Variants in NIPAL2 observed in about 807,000 individuals in gnomAD.
The protein encoded by NIPAL2 is NIPA-like protein 2.
In NIPAL2, 43 loss-of-function variants were observed where a neutral mutation model predicts 48.9. The ratio of observed to expected loss-of-function variants is 0.88; its 90% CI spans 0.69 to 1.13. The LOEUF (loss-of-function observed/expected upper bound fraction) is 1.13, where lower values mean the gene tolerates loss of function less well. Among genes scored for constraint, NIPAL2 ranks in the 50% most tolerant of loss-of-function variants. The pLI is 0.00. For synonymous variants in NIPAL2, 167 were observed against 174.6 expected (o/e 0.96, Z 0.34); for missense variants, 446 against 461.4 (o/e 0.97, Z 0.31).
At chr8:98,225,825 C>T (rs1812147367) in intron 4 of NIPAL2, among the ~76,000 whole-genome samples, 1 of 152,156 alleles carries the variant, frequency 6.6e-6, no homozygotes, top group Non-Finnish European at 1.5e-5. Flanking sequence ...CCCTCTACCT[C>T]CTCTTTAAGG....
At chr8:98,281,005 A>G (rs1333363752) in intron 1 of NIPAL2, among the ~76,000 whole-genome samples, 1 of 151,990 alleles carries the variant, frequency 6.6e-6, no homozygotes, top group Non-Finnish European at 1.5e-5. Flanking sequence ...GATGATAACA[A>G]GAGAAGAAAT....
At chr8:98,198,448 A>G (rs1423743966) in intron 8 of NIPAL2, among the ~76,000 whole-genome samples, 1 of 152,218 alleles carries the variant, frequency 6.6e-6, no homozygotes, top group East Asian at 1.9e-4. Flanking sequence ...CTCACAAGAG[A>G]GTCAGCCTGT....
intron 4 of NIPAL2, among the ~76,000 whole-genome samples, chr8:98,234,734 T>G (rs1812623856): frequency 6.9e-6 from 1 of 145,680 alleles, no homozygotes; most frequent in African/African-American, 2.5e-5. Context: ...TTTTTTTCAG[T>G]AGAGACGGGG....
intron 1 of NIPAL2, among the ~76,000 whole-genome samples, chr8:98,259,275 C>A (rs1427866535): frequency 2.0e-5 from 3 of 151,194 alleles, no homozygotes; most frequent in Admixed American, 1.3e-4. Context: ...CGGGGTTTCA[C>A]CGTGTTAGCC....
rs557948570 is a variant in NIPAL2, at chr8:98,220,141, T to G, written c.558+2338A>C. 1.8e-4 allele frequency among the ~76,000 whole-genome samples: 27 copies of G among 152,198 alleles called. No homozygotes were observed. The South Asian group carries it at 1.9e-3, about 11-fold the overall frequency. On this transcript the variant is annotated intron_variant, in intron 5 of 10. Coordinates refer to ENST00000430223, the MANE Select transcript of NIPAL2 (RefSeq NM_001321635.2). ...AAATGAAAGTAAAAAGATCTGTAAGTATTTGTGTTCTAGTGGTCAGAATAC... is the reference window on the plus strand; with the variant it reads ...AAATGAAAGTAAAAAGATCTGTAAGGATTTGTGTTCTAGTGGTCAGAATAC...
In NIPAL2 at chr8:98,202,955, C is replaced by A. The variant is rs181345413; in HGVS notation, c.880+153G>T. Among the ~76,000 whole-genome samples the A allele has an allele frequency of 1.8e-4, 28 of 152,308 alleles. No individual in the cohort carries two copies. The East Asian group carries it at 5.2e-3, about 28-fold the overall frequency. ...AGAGCATTCACACAAAGTAGAGGAACCTCTCCTGGAAGATTGTCATAGGGG... is the reference window on the plus strand; with the variant it reads ...AGAGCATTCACACAAAGTAGAGGAAACTCTCCTGGAAGATTGTCATAGGGG... On this transcript the variant is annotated intron_variant, in intron 8 of 10. Coordinates refer to ENST00000430223, the MANE Select transcript of NIPAL2 (RefSeq NM_001321635.2).
intron 1 of NIPAL2, among the ~76,000 whole-genome samples, chr8:98,272,409 G>A (rs555190196): frequency 6.6e-6 from 1 of 152,204 alleles, no homozygotes; most frequent in African/African-American, 2.4e-5. Flanking sequence ...AGACTGAGGT[G>A]TGGAAAAAGG....
In NIPAL2 at chr8:98,191,042, T is replaced by C. The variant is rs1015976848; in HGVS notation, c.*1936A>G. 1 of 152,260 alleles carries C rather than the reference T, an allele frequency of 6.6e-6. No homozygotes were observed. The highest frequency in any genetic ancestry group is 1.5e-5 in the Non-Finnish European group (1 of 68,040). 9.4% of individuals were successfully genotyped at this position (152,260 alleles called of 1,614,324 possible). A position where few individuals can be genotyped will look rare whatever the true frequency, so the allele number is the denominator to read the frequency against. ...CCTGGACTTCTAAAACATTGTTGATTGCTTAAATGTGCATAAGTCAATGTC... is the reference window on the plus strand; with the variant it reads ...CCTGGACTTCTAAAACATTGTTGATCGCTTAAATGTGCATAAGTCAATGTC... On this transcript the variant is annotated 3_prime_UTR_variant, in exon 11 of 11. Coordinates refer to ENST00000430223, the MANE Select transcript of NIPAL2 (RefSeq NM_001321635.2).
At chr8:98,252,377 T>G in intron 3 of NIPAL2, 86 bp downstream of exon 3, 1 of 1,290,824 alleles carries the variant, frequency 7.7e-7, no homozygotes, top group Non-Finnish European at 1.0e-6. Context: ...CTTTCTTCTT[T>G]GGTGCATTTG....
intron 8 of NIPAL2, among the ~76,000 whole-genome samples, chr8:98,196,384 G>A (rs1452647669): frequency 6.6e-6 from 1 of 152,158 alleles, no homozygotes; most frequent in African/African-American, 2.4e-5. Context: ...TGAGAGTCTG[G>A]GTAGACTCTG....
At chr8:98,281,478 T>G (rs949486094) in intron 1 of NIPAL2, among the ~76,000 whole-genome samples, 1 of 152,054 alleles carries the variant, frequency 6.6e-6, no homozygotes, top group Non-Finnish European at 1.5e-5. Flanking sequence ...CCTTTAAAAA[T>G]AACTAAGAGT....
chr8:98,283,138 G>A (rs1162888127), intron 1 of NIPAL2, among the ~76,000 whole-genome samples: 1 of 152,098 alleles, frequency 6.6e-6, no homozygotes, highest in Admixed American at 6.6e-5. Flanking sequence ...AATTAAGAAC[G>A]ATTACATTTG....
chr8:98,291,480 G>T lies in NIPAL2; in HGVS notation c.135+2523C>A, dbSNP rs181380568. Among the ~76,000 whole-genome samples, 479 of 152,138 alleles carry T rather than the reference G, an allele frequency of 3.1e-3. 2 individuals are homozygous for T. The highest frequency in any genetic ancestry group is 0.01 in the Middle Eastern group (3 of 294). On this transcript the variant is annotated intron_variant, in intron 1 of 10. Coordinates refer to ENST00000430223, the MANE Select transcript of NIPAL2 (RefSeq NM_001321635.2). ...TGCCCCTTTGCTCTGAATTTCCATG[G>T]GACTTTATATCACTCACATGACACT...
At chr8:98,273,010 A>G (rs1815231610) in intron 1 of NIPAL2, among the ~76,000 whole-genome samples, 1 of 152,224 alleles carries the variant, frequency 6.6e-6, no homozygotes, top group Non-Finnish European at 1.5e-5. Context: ...ATCATTACAG[A>G]GAAGAAATGA....
chr8:98,270,481 T>TA (rs1670265306), intron 1 of NIPAL2, among the ~76,000 whole-genome samples: 1 of 152,220 alleles, frequency 6.6e-6, no homozygotes, highest in African/African-American at 2.4e-5. Context: ...TTGAATGTCT[T>TA]TTGAGAAGTG....
intron 1 of NIPAL2, among the ~76,000 whole-genome samples, chr8:98,258,083 A>G (rs1222210915): frequency 6.6e-6 from 1 of 152,248 alleles, no homozygotes; most frequent in Admixed American, 6.5e-5. Context: ...GAGTTTGACT[A>G]CTTTTGTCTA....
At chr8:98,235,428 A>T (rs1220577986) in intron 4 of NIPAL2, among the ~76,000 whole-genome samples, 1 of 152,238 alleles carries the variant, frequency 6.6e-6, no homozygotes, top group Non-Finnish European at 1.5e-5. Flanking sequence ...ATTTCCAAAT[A>T]AAATATTTAA....
At chr8:98,224,599 A>G (rs1812060214) in intron 4 of NIPAL2, among the ~76,000 whole-genome samples, 1 of 152,014 alleles carries the variant, frequency 6.6e-6, no homozygotes, top group Admixed American at 6.6e-5. Flanking sequence ...GTCCCTATCA[A>G]TGTATATCTT....
intron 10 of NIPAL2, chr8:98,193,300 A>G: frequency 6.8e-7 from 1 of 1,481,308 alleles, no homozygotes; most frequent in Non-Finnish European, 9.4e-7. Flanking sequence ...TGTCAGAGCC[A>G]CTATCCCCAC....
Sources: allele counts gnomAD v4.1 joint callset (sites outside exome capture counted in the v4.1 genomes callset), GRCh38; gene constraint gnomAD v4.1.1; transcripts MANE v1.5; gene names NCBI Gene and HGNC (gene_info 2026-07-23, HGNC 2026-07-21).